Variants in PRKN observed in about 807,000 individuals in gnomAD.
PRKN encodes parkin RBR E3 ubiquitin protein ligase.
Under a neutral mutation model 59.5 loss-of-function variants are expected in PRKN, and 56 were observed. The observed-to-expected ratio is 0.94, with a 90% CI of 0.76 to 1.18. The LOEUF (loss-of-function observed/expected upper bound fraction) is 1.18. PRKN is among the 50% of genes most tolerant of loss of function. The pLI is 0.00. For synonymous variants in PRKN, 250 were observed against 222.1 expected (o/e 1.13, Z -1.12); for missense variants, 657 against 596.4 (o/e 1.10, Z -1.06).
At chr6:161,930,213 C>T (rs750180642) in intron 6 of PRKN, among the ~76,000 whole-genome samples, 3 of 151,982 alleles carry the variant, frequency 2.0e-5, no homozygotes, top group Admixed American at 6.6e-5. Context: ...TGAAATCAGG[C>T]CAGATGGATG....
rs976094138 is a variant in PRKN at position 161,377,769 on chromosome 6, G to A, written c.1167+9025C>T. Among the ~76,000 whole-genome samples the A allele has an allele frequency of 1.1e-4, 16 of 152,220 alleles. No individual in the cohort carries two copies. Among genetic ancestry groups the A allele is most frequent in the African/African-American group, 3.6e-4 (15 of 41,542 alleles). ...AACCAGTCACCTCTCATCCTGTGAG[G>A]CCCCAGAGAGCTGTCTTGCCCCTTC... On this transcript the variant is annotated intron_variant, in intron 10 of 11. Transcript: ENST00000366898. The surrounding 1 kb of genome is among the most constrained non-coding windows in gnomAD (Gnocchi z 4.2).
intron 7 of PRKN, among the ~76,000 whole-genome samples, chr6:161,731,819 T>C (rs919727837): frequency 2.0e-5 from 3 of 152,324 alleles, no homozygotes; most frequent in East Asian, 1.9e-4. Flanking sequence ...GGAAGACAAA[T>C]TGTGAGCACA....
chr6:162,023,752 C>T (rs1276350328), intron 5 of PRKN, among the ~76,000 whole-genome samples: 2 of 152,134 alleles, frequency 1.3e-5, no homozygotes, highest in Non-Finnish European at 2.9e-5. Context: ...CCTGTCTTCA[C>T]CTAGGTCCAT....
intron 6 of PRKN, among the ~76,000 whole-genome samples, chr6:161,830,290 T>G (rs537635658): frequency 4.7e-4 from 71 of 151,996 alleles, no homozygotes; most frequent in African/African-American, 1.1e-3. Flanking sequence ...CTCGCTCTGT[T>G]GCCCAGGCTG....
At chr6:162,626,925 A>C (rs1782922333) in intron 1 of PRKN, among the ~76,000 whole-genome samples, 1 of 152,198 alleles carries the variant, frequency 6.6e-6, no homozygotes, top group Non-Finnish European at 1.5e-5. Flanking sequence ...TGAAAACTTG[A>C]AAGTAACTGA....
rs758294050 is a variant in PRKN at position 161,766,314 on chromosome 6, A to ATTTTTTTTTTTTTTTTTTTTTTTT, written c.871+19457_871+19458insAAAAAAAAAAAAAAAAAAAAAAAA. ...ACTTATGCCTGCTGTCATTGACCAC[A>ATTTTTTTTTTTTTTTTTTTTTTTT]TTTTTTTTTTTTTAGACAGAGTCTC... On this transcript the variant is annotated intron_variant, in intron 7 of 11. Coordinates refer to ENST00000366898, the MANE Select transcript of PRKN (RefSeq NM_004562.3). Among the ~76,000 whole-genome samples the ATTTTTTTTTTTTTTTTTTTTTTTT allele has an allele frequency of 1.1e-3, 158 of 139,574 alleles. 2 individuals carry two copies. Among genetic ancestry groups the ATTTTTTTTTTTTTTTTTTTTTTTT allele is most frequent in the African/African-American group, 4.1e-3 (151 of 37,268 alleles). 91.6% of individuals were successfully genotyped at this position (139,574 alleles called of 152,430 possible).
At chr6:161,375,595 T>A (rs1785662158) in intron 10 of PRKN, among the ~76,000 whole-genome samples, 1 of 152,152 alleles carries the variant, frequency 6.6e-6, no homozygotes, top group Admixed American at 6.5e-5. Context: ...GCTTGGTAGA[T>A]CTTACTGGCT....
rs1381138671 is a variant in PRKN, at chr6:161,405,671, C to A, written c.1084-18794G>T. On this transcript the variant is annotated intron_variant, in intron 9 of 11. Transcript: ENST00000366898. This position sits in a 1 kb window ranked among gnomAD's most constrained non-coding sequence, Gnocchi z 5.1. ...ATAAATTTGGGTCCACCATAATCAG[C>A]ATTTTGGGCCAGCTTCCAGGAGAAA... Among the ~76,000 whole-genome samples the A allele has an allele frequency of 3.3e-5, 5 of 151,184 alleles. No individual in the cohort carries two copies. Among genetic ancestry groups the A allele is most frequent in the Non-Finnish European group, 7.4e-5 (5 of 67,792 alleles).
At chr6:162,055,625 G>A (rs13217335) in intron 4 of PRKN, among the ~76,000 whole-genome samples, 110,971 of 151,952 alleles carry the variant, frequency 0.73, 40,835 homozygotes, top group East Asian at 0.87. Flanking sequence ...GGGCTGGAGG[G>A]GATTGACAGA....
At chr6:162,693,852 T>C (rs1158107001) in intron 1 of PRKN, among the ~76,000 whole-genome samples, 2 of 152,222 alleles carry the variant, frequency 1.3e-5, no homozygotes, top group Non-Finnish European at 2.9e-5. Flanking sequence ...CACATGCATA[T>C]TTAACATGAT....
At chr6:161,973,163 C>G (rs1221160441) in intron 6 of PRKN, 139 bp downstream of exon 6, 6 of 689,174 alleles carry the variant, frequency 8.7e-6, no homozygotes, top group Non-Finnish European at 1.6e-5. Context: ...AAAGCAGACA[C>G]TCCCCAGGAA....
In PRKN at chr6:161,393,115, C is replaced by G. The variant is rs1045301485; in HGVS notation, c.1084-6238G>C. ...ACATCTCTTTGCTTGAGCTTTTTTG[C>G]ATCTACAAAGAAGAAATAATAAGAT... On this transcript the variant is annotated intron_variant, in intron 9 of 11. Transcript: ENST00000366898. The surrounding 1 kb of genome is among the most constrained non-coding windows in gnomAD (Gnocchi z 4.7). Among the ~76,000 whole-genome samples the G allele has an allele frequency of 6.6e-6, 1 of 152,056 alleles. No homozygotes were observed. Among genetic ancestry groups the G allele is most frequent in the Non-Finnish European group, 1.5e-5 (1 of 68,008 alleles).
chr6:162,537,888 T>A (rs995506977), intron 1 of PRKN, among the ~76,000 whole-genome samples: 2 of 152,164 alleles, frequency 1.3e-5, no homozygotes, highest in Non-Finnish European at 2.9e-5. Flanking sequence ...ATCAGGTTCA[T>A]TGTGGGATTT....
intron 1 of PRKN, among the ~76,000 whole-genome samples, chr6:162,520,281 G>C (rs1002654648): frequency 1.3e-5 from 2 of 152,150 alleles, no homozygotes; most frequent in Non-Finnish European, 2.9e-5. Flanking sequence ...CATTTTATTA[G>C]CTGATGTTTT....
At chr6:161,966,535 G>T (rs1467730246) in intron 6 of PRKN, among the ~76,000 whole-genome samples, 1 of 152,172 alleles carries the variant, frequency 6.6e-6, no homozygotes, top group East Asian at 1.9e-4. Context: ...TGAACCTTCT[G>T]TTGTAACTTC....
chr6:161,374,198 A>T (rs531499948), intron 10 of PRKN, among the ~76,000 whole-genome samples: 1 of 151,748 alleles, frequency 6.6e-6, no homozygotes, highest in Admixed American at 6.6e-5. Context: ...GTGCAGTGTT[A>T]TGTATCTGTG....
chr6:161,721,689 G>C (rs563776979), intron 7 of PRKN, among the ~76,000 whole-genome samples: 1 of 152,276 alleles, frequency 6.6e-6, no homozygotes, highest in East Asian at 1.9e-4. Flanking sequence ...GGGGCTGCGT[G>C]GATGGCCCGT....
intron 1 of PRKN, among the ~76,000 whole-genome samples, chr6:162,703,803 T>C (rs894850182): frequency 2.6e-5 from 4 of 152,204 alleles, no homozygotes; most frequent in Non-Finnish European, 5.9e-5. Context: ...CCATGTAGAT[T>C]ATCTTTACCG....
At chr6:161,450,780 C>A (rs1295819145) in intron 9 of PRKN, among the ~76,000 whole-genome samples, 1 of 152,186 alleles carries the variant, frequency 6.6e-6, no homozygotes, top group Non-Finnish European at 1.5e-5. Context: ...TGGTCTCGAC[C>A]TCCTGACCTC....
Sources: allele counts gnomAD v4.1 joint callset (sites outside exome capture counted in the v4.1 genomes callset), GRCh38; gene constraint gnomAD v4.1.1; non-coding constraint Gnocchi (gnomAD v3.1); transcripts MANE v1.5; gene names NCBI Gene and HGNC (gene_info 2026-07-23, HGNC 2026-07-21).